The following AKAP6 variants were observed in gnomAD, a reference collection of about 807,000 sequenced individuals.
The protein encoded by AKAP6 is A-kinase anchor protein 6.
Under a neutral mutation model 188.5 loss-of-function variants are expected in AKAP6, and 58 were observed. The observed-to-expected ratio is 0.31, with a 90% CI of 0.25 to 0.38. AKAP6 has a LOEUF of 0.38. Ranked by LOEUF, AKAP6 falls within the 10% of genes least tolerant of loss-of-function variation. The pLI is 1.00. For missense variants in AKAP6, 2,710 were observed against 2,740.0 expected, an observed-to-expected ratio of 0.99 and a Z score of 0.24; for synonymous variants, 989 against 998.6, an observed-to-expected ratio of 0.99 and a Z score of 0.18.
At chr14:32,547,833 G>A (rs1251333441) in intron 4 of AKAP6, among the ~76,000 whole-genome samples, 1 of 131,674 alleles carries the variant, frequency 7.6e-6, no homozygotes, top group Non-Finnish European at 1.7e-5. Flanking sequence ...AACAGAGTGA[G>A]ACCCTGTCTC....
intron 2 of AKAP6, among the ~76,000 whole-genome samples, chr14:32,529,364 C>T (rs954548632): frequency 6.6e-6 from 1 of 151,638 alleles, no homozygotes; most frequent in Non-Finnish European, 1.5e-5. Flanking sequence ...CAGGAGTCTA[C>T]TTTTTTTTTC....
chr14:32,508,023 C>A (rs900981840), intron 2 of AKAP6, among the ~76,000 whole-genome samples: 2 of 152,162 alleles, frequency 1.3e-5, no homozygotes, highest in African/African-American at 4.8e-5. Context: ...CTTTGGCAAT[C>A]ATTGAATCTT....
chr14:32,652,338 C>T (rs1888267812), intron 7 of AKAP6, among the ~76,000 whole-genome samples: 1 of 152,106 alleles, frequency 6.6e-6, no homozygotes, highest in Admixed American at 6.5e-5. Context: ...GACTAGGCCT[C>T]TTGGCCTGAT....
intron 1 of AKAP6, among the ~76,000 whole-genome samples, chr14:32,371,341 G>A (rs919323633): frequency 6.6e-6 from 1 of 152,186 alleles, no homozygotes; most frequent in African/African-American, 2.4e-5. Context: ...ATGTTTGGGA[G>A]GCCAAGGTAG....
At chr14:32,403,656 A>C (rs911970326) in intron 1 of AKAP6, among the ~76,000 whole-genome samples, 6 of 152,230 alleles carry the variant, frequency 3.9e-5, no homozygotes, top group Non-Finnish European at 8.8e-5. Context: ...AGTTATAGTG[A>C]TCTACCTCTC....
intron 7 of AKAP6, among the ~76,000 whole-genome samples, chr14:32,635,011 T>C (rs147271365): frequency 6.6e-6 from 1 of 152,002 alleles, no homozygotes; most frequent in Non-Finnish European, 1.5e-5. Flanking sequence ...TAGTTTTCAG[T>C]GTAAACTCAA....
At chr14:32,751,572 G>A (rs543833712) in intron 11 of AKAP6, among the ~76,000 whole-genome samples, 1 of 146,936 alleles carries the variant, frequency 6.8e-6, no homozygotes, top group South Asian at 2.2e-4. Context: ...GATCAGGAAA[G>A]TTTTACCCGC....
At chr14:32,461,190 C>T (rs1458999370) in intron 2 of AKAP6, among the ~76,000 whole-genome samples, 1 of 152,114 alleles carries the variant, frequency 6.6e-6, no homozygotes, top group South Asian at 2.1e-4. Context: ...CTGATCCTGA[C>T]AAGAGGGATT....
intron 2 of AKAP6, among the ~76,000 whole-genome samples, chr14:32,529,041 G>A (rs1018446254): frequency 5.3e-5 from 8 of 152,130 alleles, no homozygotes; most frequent in African/African-American, 1.9e-4. Context: ...TTTTTACTGA[G>A]TTGAGGCTGT....
intron 2 of AKAP6, among the ~76,000 whole-genome samples, chr14:32,454,505 G>C (rs1891051738): frequency 6.6e-6 from 1 of 152,140 alleles, no homozygotes; most frequent in Admixed American, 6.5e-5. Flanking sequence ...AGCAGTAGTT[G>C]GTCTTGCACT....
Position 32,834,009 on chromosome 14 carries a change from A to G in AKAP6, c.*4204A>G, listed in dbSNP as rs2140178143. On this transcript the variant is annotated 3_prime_UTR_variant, in exon 14 of 14. Transcript: ENST00000280979. Reference sequence around the variant, plus strand: ...ATCATTTGAAATTAAATTGTAGAGTATGATACTTCATCTGCAAATACTTCA... The same window carrying G: ...ATCATTTGAAATTAAATTGTAGAGTGTGATACTTCATCTGCAAATACTTCA... The G allele has an allele frequency of 6.6e-6, 1 of 152,360 alleles. No individual in the cohort carries two copies. The highest frequency in any genetic ancestry group is 1.5e-5 in the Non-Finnish European group (1 of 68,044). 9.4% of individuals were successfully genotyped at this position (152,360 alleles called of 1,614,324 possible).
intron 7 of AKAP6, among the ~76,000 whole-genome samples, chr14:32,634,324 GC>G (rs1367518237): frequency 2.6e-5 from 4 of 152,112 alleles, no homozygotes; most frequent in African/African-American, 9.7e-5. Context: ...CATAGTAAAT[GC>G]TCAAGAAGTG....
intron 1 of AKAP6, among the ~76,000 whole-genome samples, chr14:32,390,518 A>C (rs1415229548): frequency 6.6e-6 from 1 of 152,094 alleles, no homozygotes; most frequent in Non-Finnish European, 1.5e-5. Flanking sequence ...GCTGTTGTTT[A>C]GATTCTTTTG....
At chr14:32,688,849 C>T (rs1890042339) in intron 8 of AKAP6, among the ~76,000 whole-genome samples, 1 of 152,152 alleles carries the variant, frequency 6.6e-6, no homozygotes, top group South Asian at 2.1e-4. Context: ...GATAACTTTT[C>T]ATGTTAATTG....
chr14:32,471,202 C>T (rs374069345), intron 2 of AKAP6, among the ~76,000 whole-genome samples: 7 of 152,220 alleles, frequency 4.6e-5, no homozygotes, highest in African/African-American at 7.2e-5. Flanking sequence ...TCTTTAAAAA[C>T]GTTTCAATAA....
intron 2 of AKAP6, among the ~76,000 whole-genome samples, chr14:32,526,060 C>A (rs1037700400): frequency 3.9e-5 from 6 of 152,064 alleles, no homozygotes; most frequent in Non-Finnish European, 7.4e-5. Flanking sequence ...TATGGTCATT[C>A]TTTTTTTATT....
At chr14:32,804,767 C>T (rs980910559) in intron 12 of AKAP6, among the ~76,000 whole-genome samples, 3 of 152,104 alleles carry the variant, frequency 2.0e-5, no homozygotes, top group Non-Finnish European at 4.4e-5. Context: ...GTAAGACAGA[C>T]ACTCCCAGAG....
chr14:32,330,003 A>G (rs1484041686), intron 1 of AKAP6, among the ~76,000 whole-genome samples: 1 of 152,126 alleles, frequency 6.6e-6, no homozygotes, highest in Non-Finnish European at 1.5e-5. Context: ...TTTGATCTAT[A>G]TGGTAGTTCT....
At chr14:32,514,445 T>C (rs1881417669) in intron 2 of AKAP6, among the ~76,000 whole-genome samples, 1 of 152,158 alleles carries the variant, frequency 6.6e-6, no homozygotes, top group African/African-American at 2.4e-5. Context: ...AGATAAAAAG[T>C]ACATCTAAGA....
Sources: gnomAD v4.1 joint callset for allele counts (sites outside exome capture counted in the v4.1 genomes callset) on GRCh38, gnomAD v4.1.1 for gene constraint, MANE v1.5 for transcripts, NCBI Gene and HGNC (gene_info 2026-07-23, HGNC 2026-07-21) for gene names.